Variants in KIAA0753 observed in about 807,000 individuals in gnomAD.
KIAA0753 encodes the protein KIAA0753, also known as protein moonraker.
In KIAA0753, 114 loss-of-function variants were observed where a neutral mutation model predicts 116.9. The ratio of observed to expected loss-of-function variants is 0.98; its 90% CI spans 0.84 to 1.14. KIAA0753 has a LOEUF of 1.14. Among genes scored for constraint, KIAA0753 ranks in the 50% most tolerant of loss-of-function variants. KIAA0753 has a pLI of 0.00. For missense variants in KIAA0753, 1,156 were observed against 1,172.4 expected (o/e 0.99, Z 0.20); for synonymous variants, 405 against 413.1 (o/e 0.98, Z 0.24).
Position 6,624,786 on chromosome 17 carries a change from G to A in KIAA0753, c.794C>T (p.Ser265Phe). The change falls in exon 4 of 19, where the codon TCT (serine) becomes TTT (phenylalanine). Residue 265 changes from serine to phenylalanine, a missense_variant. Coordinates refer to ENST00000361413, the MANE Select transcript of KIAA0753 (RefSeq NM_014804.3). ...RIRRQEQAAR[S>F]ARMLYVLQQQ... is the part of the protein sequence containing the mutation. ...CTGGAGGACGTAGAGCATTCGGGCA[G>A]AGCGAGCAGCTTGCTCCTGTCTCCT... 1 of 1,562,390 alleles carries A rather than the reference G, an allele frequency of 6.4e-7. No homozygotes were observed. The highest frequency in any genetic ancestry group is 8.7e-7 in the Non-Finnish European group (1 of 1,151,452).
chr17:6,635,321 T>C (rs1972254992), intron 1 of KIAA0753, 150 bp from the exon 2 acceptor site: 1 of 349,468 alleles, frequency 2.9e-6, no homozygotes, highest in South Asian at 1.3e-4. Flanking sequence ...AGGTAAATGA[T>C]AGTTTCTTCC....
Position 6,589,909 on chromosome 17 carries a change from G to T in KIAA0753, c.2656C>A (p.Arg886=), listed in dbSNP as rs370840009. ...LAEDSQQKEG[R]APLFVPPGMQ... ...CCCGGTGGGACAAAGAGGGGAGCTC[G>T]GCCTTCTTTCTGTTGAGAATCTTCG... The change falls in exon 18 of 19, where the codon CGA becomes AGA. Residue 886 remains arginine (R), a synonymous_variant. Coordinates refer to ENST00000361413, the MANE Select transcript of KIAA0753 (RefSeq NM_014804.3). 6.2e-7 allele frequency: 1 copy of T among 1,613,180 alleles called. No homozygotes were observed. The highest frequency in any genetic ancestry group is 8.5e-7 in the Non-Finnish European group (1 of 1,179,732).
intron 7 of KIAA0753, 127 bp downstream of exon 7, chr17:6,620,661 C>T: frequency 2.4e-6 from 2 of 837,404 alleles, no homozygotes; most frequent in Non-Finnish European, 3.9e-6. Flanking sequence ...TTTACTGATC[C>T]TAGTTAAAGT....
chr17:6,600,760 T>C (rs528912789), intron 12 of KIAA0753, among the ~76,000 whole-genome samples: 1 of 152,140 alleles, frequency 6.6e-6, no homozygotes, highest in East Asian at 1.9e-4. Flanking sequence ...CTGAGTACAC[T>C]TCAAAAAAAA....
chr17:6,611,934 C>T lies in KIAA0753; in HGVS notation c.1530G>A (p.Ala510=), dbSNP rs777382542. The change falls in exon 8 of 19, where the codon GCG becomes GCA. Residue 510 remains alanine (A), a synonymous_variant. Coordinates refer to ENST00000361413, the MANE Select transcript of KIAA0753 (RefSeq NM_014804.3). The part of the protein sequence containing the change: ...NVPFRKKDTL[A]PARQQGLRKA... Reference sequence around the variant, plus strand: ...GATTTCATACTTGCTGTCTTGCTGGCGCCAGAGTATCTTTCTTCCTAAACG... The same window carrying T: ...GATTTCATACTTGCTGTCTTGCTGGTGCCAGAGTATCTTTCTTCCTAAACG... 40 of 1,613,398 alleles carry T rather than the reference C, an allele frequency of 2.5e-5. No homozygotes were observed. The highest frequency in any genetic ancestry group is 1.0e-4 in the Admixed American group (6 of 59,892).
At chr17:6,611,306 T>A (rs1467542099) in intron 8 of KIAA0753, among the ~76,000 whole-genome samples, 8 of 152,140 alleles carry the variant, frequency 5.3e-5, no homozygotes, top group Non-Finnish European at 8.8e-5. Flanking sequence ...GGAACTAATT[T>A]TTTTTTTTCT....
chr17:6,619,301 G>T (rs1259974118), intron 7 of KIAA0753, among the ~76,000 whole-genome samples: 1 of 152,116 alleles, frequency 6.6e-6, no homozygotes, highest in East Asian at 1.9e-4. Context: ...ACTCAAGGGG[G>T]TAATTTCTTA....
intron 18 of KIAA0753, among the ~76,000 whole-genome samples, chr17:6,584,278 C>A (rs1049780118): frequency 2.0e-5 from 3 of 152,154 alleles, no homozygotes; most frequent in Admixed American, 2.0e-4. Flanking sequence ...TCTCCAGGAC[C>A]CTGGCCCAGT....
In KIAA0753 at chr17:6,599,316, A is replaced by C; in HGVS notation, c.2093T>G (p.Val698Gly). The part of the protein sequence containing the change: ...LKPLLVKAQR[V>G]NSTTEANIHL... ...AATATTTGCTTCTGTAGTAGAATTG[A>C]CTCTCTATTAAAACAGACAAATACA... Residue 698 changes from valine (V) to glycine (G), a missense_variant, in exon 14 of 19, where the codon GTC (valine) becomes GGC (glycine). By Grantham distance (109) the Val-to-Gly change is moderately radical. Coordinates refer to ENST00000361413, the MANE Select transcript of KIAA0753 (RefSeq NM_014804.3). 1 of 1,607,706 alleles carries C rather than the reference A, an allele frequency of 6.2e-7. No homozygotes were observed. Among genetic ancestry groups the C allele is most frequent in the Non-Finnish European group, 8.5e-7 (1 of 1,174,368 alleles).
chr17:6,579,372 C>G lies in KIAA0753; in HGVS notation c.*375G>C. On this transcript the variant is annotated 3_prime_UTR_variant, in exon 19 of 19. Transcript: ENST00000361413. ...GGTATCAATGCCAGCAAGGGTTCAA[C>G]AGCAACCTGAATCCTTGTGTGAAAT... The G allele has an allele frequency of 5.7e-6, 1 of 175,090 alleles. No individual in the cohort carries two copies. Among genetic ancestry groups the G allele is most frequent in the Non-Finnish European group, 1.2e-5 (1 of 81,566 alleles). The allele number at this position is 175,090 out of a possible 1,614,324, so 10.8% of individuals were successfully genotyped here. A position where few individuals can be genotyped will look rare whatever the true frequency, so the allele number is the denominator to read the frequency against.
Position 6,594,984 on chromosome 17 carries a change from C to T in KIAA0753, c.2428G>A (p.Glu810Lys), listed in dbSNP as rs949884394. Residue 810 changes from glutamate to lysine, a missense_variant, in exon 16 of 19, where the codon GAA becomes AAA. Coordinates refer to ENST00000361413, the MANE Select transcript of KIAA0753 (RefSeq NM_014804.3). ...AYADPRLWMQ[E>K]ENNDQKISAI... ...GGGAAACACTCACCATTGTTTTCTT[C>T]CTGCATCCAAAGTCGAGGATCAGCA... is the stretch of plus-strand genomic sequence containing the variant. 7 of 1,610,274 alleles carry T rather than the reference C, an allele frequency of 4.3e-6. No homozygotes were observed. Among genetic ancestry groups the T allele is most frequent in the Admixed American group, 1.7e-5 (1 of 59,832 alleles).
chr17:6,627,623 C>G (rs1470127723), intron 3 of KIAA0753, among the ~76,000 whole-genome samples: 4 of 152,176 alleles, frequency 2.6e-5, no homozygotes, highest in Admixed American at 2.0e-4. Context: ...TTCCTTCCTA[C>G]CCTGTGCTCA....
intron 18 of KIAA0753, among the ~76,000 whole-genome samples, chr17:6,587,805 T>C (rs959884756): frequency 6.6e-6 from 1 of 152,106 alleles, no homozygotes; most frequent in African/African-American, 2.4e-5. Context: ...AAAATCCCAC[T>C]TGAATACAAG....
chr17:6,609,188 C>T (rs1296323377), intron 9 of KIAA0753, among the ~76,000 whole-genome samples: 1 of 152,186 alleles, frequency 6.6e-6, no homozygotes, highest in African/African-American at 2.4e-5. Context: ...AAGCTGCTCA[C>T]CCTGACTTCT....
chr17:6,588,436 C>T (rs1163149234), intron 18 of KIAA0753, among the ~76,000 whole-genome samples: 1 of 151,964 alleles, frequency 6.6e-6, no homozygotes, highest in Non-Finnish European at 1.5e-5. Flanking sequence ...GGATGAAAAC[C>T]ATCCAGGAGA....
At chr17:6,591,065 GAA>G (rs67232959) in intron 16 of KIAA0753, among the ~76,000 whole-genome samples, 20,835 of 79,228 alleles carry the variant, frequency 0.26, 2,558 homozygotes, top group Admixed American at 0.34. Flanking sequence ...AGAAGAAGAA[GAA>G]GAAGAAGAAG....
intron 16 of KIAA0753, among the ~76,000 whole-genome samples, chr17:6,594,732 A>G (rs1312071461): frequency 6.6e-6 from 1 of 152,236 alleles, no homozygotes; most frequent in Admixed American, 6.5e-5. Flanking sequence ...GTTGATAATA[A>G]GCATGCTGAA....
At chr17:6,613,496 G>A (rs1970686910) in intron 7 of KIAA0753, among the ~76,000 whole-genome samples, 1 of 152,106 alleles carries the variant, frequency 6.6e-6, no homozygotes, top group African/African-American at 2.4e-5. Context: ...GGGAGTGGAT[G>A]GAGGCAGGAG....
At chr17:6,628,070 C>G in intron 3 of KIAA0753, 47 bp downstream of exon 3, 1 of 1,547,850 alleles carries the variant, frequency 6.5e-7, no homozygotes, top group South Asian at 1.2e-5. Flanking sequence ...TTAAACTACC[C>G]CATAATCACA....
Sources: gnomAD v4.1 joint callset for allele counts (sites outside exome capture counted in the v4.1 genomes callset) on GRCh38, gnomAD v4.1.1 for gene constraint, MANE v1.5 for transcripts, NCBI Gene and HGNC (gene_info 2026-07-23, HGNC 2026-07-21) for gene names.